The following HDAC9 variants were observed in gnomAD, a reference collection of about 807,000 sequenced individuals.
The protein encoded by HDAC9 is histone deacetylase 9.
A neutral mutation model predicts 139.4 loss-of-function variants in HDAC9; 41 were observed. That is an observed-to-expected ratio of 0.29 (90% CI 0.23 to 0.38). HDAC9 has a LOEUF of 0.38. Ranked by LOEUF, HDAC9 falls within the 10% of genes least tolerant of loss-of-function variation. The pLI is 1.00. For synonymous variants in HDAC9, 517 were observed against 476.2 expected (o/e 1.09, Z -1.12); for missense variants, 1,147 against 1,297.0 (o/e 0.88, Z 1.78).
intron 1 of HDAC9, among the ~76,000 whole-genome samples, chr7:18,157,045 G>A (rs1443727925): frequency 2.6e-5 from 4 of 152,222 alleles, no homozygotes; most frequent in South Asian, 2.1e-4. Flanking sequence ...CTGTGATCAC[G>A]TGAGACAAAC....
chr7:18,732,816 CGTGTGTATGTGTGCGTATGTGT>C (rs1786324323), intron 13 of HDAC9, among the ~76,000 whole-genome samples: 2 of 85,926 alleles, frequency 2.3e-5, no homozygotes, highest in Non-Finnish European at 4.3e-5. Flanking sequence ...TGTACACACA[CGTGTGTATGTGTGCGTATGTGT>C]ACACACACGT....
chr7:18,434,643 C>G (rs900476416), intron 1 of HDAC9, among the ~76,000 whole-genome samples: 50 of 152,254 alleles, frequency 3.3e-4, no homozygotes, highest in African/African-American at 1.1e-3. Context: ...TGAAAAAATG[C>G]TCAACATCAC....
intron 22 of HDAC9, among the ~76,000 whole-genome samples, chr7:18,934,676 C>G (rs970290089): frequency 1.9e-4 from 29 of 152,070 alleles, no homozygotes; most frequent in African/African-American, 6.5e-4. Context: ...GCAAACCATA[C>G]CAAATGTTGG....
chr7:18,182,448 C>T (rs1162341845), intron 2 of HDAC9, among the ~76,000 whole-genome samples: 3 of 152,064 alleles, frequency 2.0e-5, no homozygotes, highest in Non-Finnish European at 2.9e-5. Flanking sequence ...GGAAAACAGA[C>T]AAACATAGTG....
intron 2 of HDAC9, among the ~76,000 whole-genome samples, chr7:18,201,998 G>T (rs542087908): frequency 3.1e-4 from 47 of 152,292 alleles, no homozygotes; most frequent in Middle Eastern, 3.4e-3. Context: ...CTCCTGACCA[G>T]GCCATTGTTC....
chr7:18,216,820 T>C (rs1584686738), intron 2 of HDAC9, among the ~76,000 whole-genome samples: 1 of 152,162 alleles, frequency 6.6e-6, no homozygotes, highest in East Asian at 1.9e-4. Flanking sequence ...CAGGTTTTAG[T>C]GTCAGGGTTA....
Position 18,749,022 on chromosome 7 carries a change from T to C in HDAC9, c.1927T>C (p.Leu643=). The change falls in exon 14 of 26, where the codon TTG becomes CTG. Residue 643 remains leucine, a synonymous_variant. Transcript: ENST00000686413. ...GSATGIAYDP[L]MLKHQCVCGN... ...TCTTAAAGGAATTGCCTATGACCCC[T>C]TGATGCTGAAACACCAGTGCGTTTG... 1.2e-6 allele frequency: 2 copies of C among 1,613,606 alleles called. No individual in the cohort carries two copies. The highest frequency in any genetic ancestry group is 1.7e-6 in the Non-Finnish European group (2 of 1,179,704).
chr7:18,727,504 T>A, intron 12 of HDAC9, 76 bp from the exon 13 acceptor site: 1 of 1,241,422 alleles, frequency 8.1e-7, no homozygotes, highest in Non-Finnish European at 1.1e-6. Flanking sequence ...GAACTTAATT[T>A]GTTGACATGT....
At chr7:18,344,253 A>C (rs1250250704) in intron 1 of HDAC9, among the ~76,000 whole-genome samples, 1 of 151,948 alleles carries the variant, frequency 6.6e-6, no homozygotes, top group Non-Finnish European at 1.5e-5. Flanking sequence ...ATATCTAATA[A>C]GATATCAGAG....
At chr7:18,444,370 GTGATGTGC>G (rs1343524672) in intron 1 of HDAC9, among the ~76,000 whole-genome samples, 22 of 135,728 alleles carry the variant, frequency 1.6e-4, no homozygotes, top group African/African-American at 6.1e-4. Context: ...AAAAAAAAGA[GTGATGTGC>G]TATCAACATC....
At chr7:18,819,735 T>G (rs1176446435) in intron 17 of HDAC9, among the ~76,000 whole-genome samples, 3 of 152,214 alleles carry the variant, frequency 2.0e-5, no homozygotes, top group African/African-American at 7.2e-5. Flanking sequence ...TCACTTTTGG[T>G]GACATTAAAA....
chr7:18,114,837 C>T (rs1476988581), intron 1 of HDAC9, among the ~76,000 whole-genome samples: 3 of 152,142 alleles, frequency 2.0e-5, no homozygotes, highest in Admixed American at 6.5e-5. Context: ...GGGTGGTTTT[C>T]CGTTTTGTGT....
At chr7:18,654,106 A>G (rs908366977) in intron 11 of HDAC9, among the ~76,000 whole-genome samples, 1 of 152,200 alleles carries the variant, frequency 6.6e-6, no homozygotes, top group African/African-American at 2.4e-5. Context: ...TAGAAGAACA[A>G]TTCTTTACAT....
At chr7:18,313,584 T>C (rs937698767) in intron 1 of HDAC9, among the ~76,000 whole-genome samples, 3 of 152,218 alleles carry the variant, frequency 2.0e-5, no homozygotes, top group Non-Finnish European at 4.4e-5. Flanking sequence ...CTTGTCACCA[T>C]GTGTGAACTT....
At chr7:18,118,443 AT>A (rs531574307) in intron 1 of HDAC9, among the ~76,000 whole-genome samples, 1 of 152,192 alleles carries the variant, frequency 6.6e-6, no homozygotes, top group Non-Finnish European at 1.5e-5. Context: ...GAACATAGAA[AT>A]TTTTTATAAA....
chr7:18,629,466 A>C lies in HDAC9; in HGVS notation c.781A>C (p.Met261Leu). 6 of 1,612,198 alleles carry C rather than the reference A, an allele frequency of 3.7e-6. No homozygotes were observed. The highest frequency in any genetic ancestry group is 5.1e-6 in the Non-Finnish European group (6 of 1,178,770). The change falls in exon 7 of 26, where the codon ATG becomes CTG. Residue 261 changes from methionine to leucine, a missense_variant. This residue lies in a region of HDAC9 where 264 missense variants were observed against 273.8 expected (regional missense o/e 0.96). Coordinates refer to ENST00000686413, the MANE Select transcript of HDAC9 (RefSeq NM_178425.4). Reference sequence around the variant, plus strand: ...TGTTGTCACTTCATTCAAGAAGCGAATGTTTGAGGTGACAGGTAATTGAGG... The same window carrying C: ...TGTTGTCACTTCATTCAAGAAGCGACTGTTTGAGGTGACAGGTAATTGAGG... ...GNVVTSFKKR[M>L]FEVTESSVSS...
chr7:18,092,399 C>CTTT (rs112517048), intron 1 of HDAC9, among the ~76,000 whole-genome samples: 16 of 140,898 alleles, frequency 1.1e-4, no homozygotes, highest in African/African-American at 4.3e-4. Flanking sequence ...TTCTTTCTTT[C>CTTT]TTTTTTTTTT....
intron 2 of HDAC9, among the ~76,000 whole-genome samples, chr7:18,275,818 C>T (rs1320376076): frequency 1.3e-5 from 2 of 152,176 alleles, no homozygotes; most frequent in Admixed American, 6.5e-5. Flanking sequence ...TTCCATGCTT[C>T]GTTTTTGTTT....
rs551276706 is a variant in HDAC9, at chr7:18,998,415, C to A, written c.*2353C>A. 3 of 152,196 alleles carry A rather than the reference C, an allele frequency of 2.0e-5. No homozygotes were observed. The highest frequency in any genetic ancestry group is 7.2e-5 in the African/African-American group (3 of 41,464). The allele number at this position is 152,196 out of a possible 1,614,324, so 9.4% of individuals were successfully genotyped here. On this transcript the variant is annotated 3_prime_UTR_variant, in exon 26 of 26. Transcript: ENST00000686413. ...CACATTAATGAGTTAATCACACATACTCCCATATGACACCATACCCAATTG... is the reference window on the plus strand; with the variant it reads ...CACATTAATGAGTTAATCACACATAATCCCATATGACACCATACCCAATTG...
Sources: gnomAD v4.1 joint callset for allele counts (sites outside exome capture counted in the v4.1 genomes callset) on GRCh38, gnomAD v4.1.1 for gene constraint, gnomAD v4.1.1 regional missense constraint, MANE v1.5 for transcripts, NCBI Gene and HGNC (gene_info 2026-07-23, HGNC 2026-07-21) for gene names.